Variants in RPS6KC1 observed in about 807,000 individuals in gnomAD.
The protein encoded by RPS6KC1 is ribosomal protein S6 kinase C1, also known as inactive ribosomal protein S6 kinase delta-1.
In RPS6KC1, 54 loss-of-function variants were observed where a neutral mutation model predicts 103.8. The ratio of observed to expected loss-of-function variants is 0.52; its 90% confidence interval spans 0.42 to 0.65. The LOEUF is 0.65. Among genes scored for constraint, RPS6KC1 ranks in the 30% least tolerant of loss-of-function variants. RPS6KC1 has a pLI of 0.00. For synonymous variants in RPS6KC1, 439 were observed against 438.7 expected (o/e 1.00, Z -0.01); for missense variants, 1,151 against 1,253.8 (o/e 0.92, Z 1.24).
intron 1 of RPS6KC1, among the ~76,000 whole-genome samples, chr1:213,059,828 G>A (rs991415401): frequency 6.6e-5 from 10 of 152,042 alleles, no homozygotes; most frequent in South Asian, 2.1e-4. Context: ...ACCCGCCACC[G>A]TGCCCAGCTA....
chr1:213,144,963 TA>T (rs2087563691), intron 6 of RPS6KC1, among the ~76,000 whole-genome samples: 1 of 152,036 alleles, frequency 6.6e-6, no homozygotes, highest in Non-Finnish European at 1.5e-5. Flanking sequence ...TAATCCCACC[TA>T]CTCAGGAGAC....
chr1:213,068,279 A>T (rs1423004673), intron 1 of RPS6KC1, among the ~76,000 whole-genome samples: 2 of 151,886 alleles, frequency 1.3e-5, no homozygotes, highest in Non-Finnish European at 2.9e-5. Context: ...AGGTCAAGAG[A>T]TTGAGACCAT....
chr1:213,462,818 C>T, the RPS6KC1 span, among the ~76,000 whole-genome samples: 3 of 152,056 alleles, frequency 2.0e-5, no homozygotes, highest in African/African-American at 7.2e-5. Flanking sequence ...GGTTGATGAG[C>T]GCAGCAAACC....
the RPS6KC1 span, among the ~76,000 whole-genome samples, chr1:213,418,073 C>A: frequency 2.0e-5 from 3 of 152,166 alleles, no homozygotes; most frequent in East Asian, 5.8e-4. Flanking sequence ...AGCTCCCGCT[C>A]CTGGCCTTAC....
At chr1:213,390,957 T>A in the RPS6KC1 span, among the ~76,000 whole-genome samples, 323 of 152,264 alleles carry the variant, frequency 2.1e-3, 2 homozygotes, top group South Asian at 2.3e-3. Context: ...AAAAAGAAGG[T>A]CCAAGTGCAC....
the RPS6KC1 span, among the ~76,000 whole-genome samples, chr1:213,602,490 C>T: frequency 6.6e-6 from 1 of 151,982 alleles, no homozygotes; most frequent in African/African-American, 2.4e-5. Context: ...GCCTCGGCCT[C>T]CCAAAGTGCT....
At chr1:213,255,521 A>G (rs999116512) in intron 12 of RPS6KC1, among the ~76,000 whole-genome samples, 41 of 152,136 alleles carry the variant, frequency 2.7e-4, no homozygotes, top group African/African-American at 9.7e-4. Context: ...TATAGTAACT[A>G]TCGTGTTGCT....
At chr1:213,116,886 T>C (rs1368343204) in intron 4 of RPS6KC1, among the ~76,000 whole-genome samples, 3 of 152,222 alleles carry the variant, frequency 2.0e-5, no homozygotes, top group Non-Finnish European at 2.9e-5. Context: ...TGGCCCCCAC[T>C]CTCTTCTGGC....
chr1:213,713,273 G>GT, the RPS6KC1 span, among the ~76,000 whole-genome samples: 7 of 152,226 alleles, frequency 4.6e-5, no homozygotes, highest in East Asian at 1.9e-4. Context: ...CCAAATTAAT[G>GT]TTTTTTCCCT....
the RPS6KC1 span, among the ~76,000 whole-genome samples, chr1:213,371,077 G>A: frequency 6.6e-6 from 1 of 152,126 alleles, no homozygotes; most frequent in East Asian, 1.9e-4. Flanking sequence ...TTGCACAACT[G>A]CAACTATACC....
At chr1:213,178,527 T>C (rs2092042181) in intron 8 of RPS6KC1, among the ~76,000 whole-genome samples, 1 of 151,454 alleles carries the variant, frequency 6.6e-6, no homozygotes, top group Non-Finnish European at 1.5e-5. Flanking sequence ...GGCGACAGAC[T>C]GAGACTCTGT....
At chr1:213,704,409 A>AC in the RPS6KC1 span, among the ~76,000 whole-genome samples, 1 of 151,212 alleles carries the variant, frequency 6.6e-6, no homozygotes, top group East Asian at 1.9e-4. Flanking sequence ...AAAAAAAAAA[A>AC]AAACTCTGAT....
chr1:213,706,451 G>A, the RPS6KC1 span, among the ~76,000 whole-genome samples: 2 of 152,134 alleles, frequency 1.3e-5, no homozygotes, highest in East Asian at 1.9e-4. Context: ...ATGAGGGAGG[G>A]GTGGTATCAG....
At chr1:213,311,908 T>G in the RPS6KC1 span, among the ~76,000 whole-genome samples, 1 of 150,050 alleles carries the variant, frequency 6.7e-6, no homozygotes, top group Non-Finnish European at 1.5e-5. Flanking sequence ...TTTTTTTTTT[T>G]TTTTCCCAAG....
At chr1:213,307,188 C>T in the RPS6KC1 span, among the ~76,000 whole-genome samples, 3 of 151,918 alleles carry the variant, frequency 2.0e-5, no homozygotes, top group Admixed American at 6.6e-5. Context: ...TTAGCCTCTC[C>T]GAGTAGCTGG....
At chr1:213,280,747 C>T in the RPS6KC1 span, among the ~76,000 whole-genome samples, 2 of 152,096 alleles carry the variant, frequency 1.3e-5, no homozygotes, top group Admixed American at 1.3e-4. Context: ...TTATAAAGGG[C>T]CAAGATTATT....
intron 5 of RPS6KC1, among the ~76,000 whole-genome samples, chr1:213,128,009 A>G (rs979721561): frequency 6.6e-6 from 1 of 152,224 alleles, no homozygotes; most frequent in Non-Finnish European, 1.5e-5. Flanking sequence ...CCACATTACA[A>G]CTAAGCTTTA....
chr1:213,554,989 T>A, the RPS6KC1 span, among the ~76,000 whole-genome samples: 1 of 152,226 alleles, frequency 6.6e-6, no homozygotes, highest in African/African-American at 2.4e-5. Flanking sequence ...TAGAATTTTT[T>A]AAAGCATAAA....
intron 8 of RPS6KC1, among the ~76,000 whole-genome samples, chr1:213,221,641 T>G (rs1415890262): frequency 6.6e-6 from 1 of 152,260 alleles, no homozygotes; most frequent in Non-Finnish European, 1.5e-5. Flanking sequence ...TCTGGGCATT[T>G]AAAGAAATCT....
Sources: gnomAD v4.1 joint callset for allele counts (sites outside exome capture counted in the v4.1 genomes callset) on GRCh38, gnomAD v4.1.1 for gene constraint, MANE v1.5 for transcripts, NCBI Gene and HGNC (gene_info 2026-07-23, HGNC 2026-07-21) for gene names.